LRRC37A2: variants seen among roughly 807,000 people sequenced by gnomAD.
LRRC37A2 encodes leucine rich repeat containing 37 member A2.
A neutral mutation model predicts 68.8 loss-of-function variants in LRRC37A2; 9 were observed. The ratio of observed to expected loss-of-function variants is 0.13; its 90% confidence interval spans 0.08 to 0.23. The LOEUF is 0.23. LRRC37A2 is among the 10% of genes least tolerant of loss of function. The probability of loss-of-function intolerance (pLI) is 1.00; values close to 1 mark genes in which losing one functional copy is unlikely to be tolerated. For missense variants in LRRC37A2, 168 were observed against 950.4 expected (o/e 0.18, Z 10.82); for synonymous variants, 63 against 367.6 (o/e 0.17, Z 9.48).
chr17:46,893,604 C>A, the LRRC37A2 span, among the ~76,000 whole-genome samples: 39 of 152,006 alleles, frequency 2.6e-4, no homozygotes, highest in Non-Finnish European at 5.4e-4. Context: ...TAGGGGAGGG[C>A]AGGACCCCCT....
At chr17:46,711,556 T>C in the LRRC37A2 span, among the ~76,000 whole-genome samples, 1 of 152,208 alleles carries the variant, frequency 6.6e-6, no homozygotes, top group African/African-American at 2.4e-5. Context: ...TGTGTGTGAA[T>C]ACAAGTCATT....
chr17:47,033,646 C>G, the LRRC37A2 span, among the ~76,000 whole-genome samples: 1 of 152,142 alleles, frequency 6.6e-6, no homozygotes, highest in South Asian at 2.1e-4. Context: ...TGCTCCAGTC[C>G]TTTCATCTCT....
the LRRC37A2 span, among the ~76,000 whole-genome samples, chr17:46,793,405 G>A: frequency 2.0e-5 from 3 of 151,878 alleles, no homozygotes; most frequent in East Asian, 1.9e-4. Flanking sequence ...TGCTCCGGCC[G>A]CTGTTGGGGT....
the LRRC37A2 span, among the ~76,000 whole-genome samples, chr17:46,979,702 G>T: frequency 6.6e-6 from 1 of 151,600 alleles, no homozygotes; most frequent in African/African-American, 2.4e-5. Context: ...CTGTCGCGGC[G>T]AGGCGGGCTC....
chr17:46,808,771 A>G, the LRRC37A2 span, among the ~76,000 whole-genome samples: 2 of 152,146 alleles, frequency 1.3e-5, no homozygotes, highest in African/African-American at 4.8e-5. Context: ...ATAGTACACA[A>G]ATAGGAAACG....
At chr17:46,867,358 T>C in the LRRC37A2 span, among the ~76,000 whole-genome samples, 1 of 152,266 alleles carries the variant, frequency 6.6e-6, no homozygotes, top group Non-Finnish European at 1.5e-5. Flanking sequence ...AGGTGGGATT[T>C]GAACCCAGGC....
chr17:46,833,752 G>C, the LRRC37A2 span, among the ~76,000 whole-genome samples: 2 of 152,182 alleles, frequency 1.3e-5, no homozygotes, highest in Non-Finnish European at 2.9e-5. Context: ...AGGCCTGCCC[G>C]GGGAAGAAGT....
the LRRC37A2 span, among the ~76,000 whole-genome samples, chr17:46,802,619 A>G: frequency 1.3e-5 from 2 of 152,124 alleles, no homozygotes; most frequent in Non-Finnish European, 2.9e-5. Flanking sequence ...TCCTTTGGGA[A>G]GGGGAGAGGG....
At chr17:47,022,507 G>A in the LRRC37A2 span, among the ~76,000 whole-genome samples, 1 of 151,778 alleles carries the variant, frequency 6.6e-6, no homozygotes, top group African/African-American at 2.4e-5. Context: ...TGCAATAACA[G>A]ATATAACAAA....
At chr17:47,000,065 AAAAT>A in the LRRC37A2 span, among the ~76,000 whole-genome samples, 3 of 21,248 alleles carry the variant, frequency 1.4e-4, 1 homozygote, top group African/African-American at 2.5e-4. Context: ...AAATAAAATT[AAAAT>A]AAAATAAAAA....
the LRRC37A2 span, among the ~76,000 whole-genome samples, chr17:46,475,683 C>T: frequency 1.3e-5 from 1 of 77,416 alleles, no homozygotes; most frequent in Non-Finnish European, 3.6e-5. Flanking sequence ...TGCAGGCCTT[C>T]AGGGGTCCTC....
At chr17:46,816,872 A>G in the LRRC37A2 span, among the ~76,000 whole-genome samples, 11 of 152,194 alleles carry the variant, frequency 7.2e-5, no homozygotes, top group Admixed American at 5.9e-4. Context: ...GAATGGGAAG[A>G]GGGTCAGGAA....
chr17:46,849,484 AC>A, the LRRC37A2 span, among the ~76,000 whole-genome samples: 1 of 152,048 alleles, frequency 6.6e-6, no homozygotes, highest in Non-Finnish European at 1.5e-5. Context: ...TCTGTCTGCC[AC>A]CCCAGTCCAT....
chr17:46,404,968 C>T, the LRRC37A2 span, among the ~76,000 whole-genome samples: 17 of 98,572 alleles, frequency 1.7e-4, 4 homozygotes, highest in African/African-American at 4.4e-4. Flanking sequence ...TTTGGGAGGC[C>T]GAGGCGGGCG....
chr17:47,038,104 G>A, the LRRC37A2 span, among the ~76,000 whole-genome samples: 3 of 152,050 alleles, frequency 2.0e-5, no homozygotes, highest in African/African-American at 7.2e-5. Context: ...AGGAGTTCGA[G>A]GCCAGCCAGG....
At chr17:46,996,557 T>A in the LRRC37A2 span, among the ~76,000 whole-genome samples, 1 of 152,248 alleles carries the variant, frequency 6.6e-6, no homozygotes, top group Admixed American at 6.5e-5. Flanking sequence ...TCTGACTTCC[T>A]GTGAAGGTAG....
At chr17:46,822,585 C>A in the LRRC37A2 span, among the ~76,000 whole-genome samples, 1 of 152,236 alleles carries the variant, frequency 6.6e-6, no homozygotes, top group Non-Finnish European at 1.5e-5. Flanking sequence ...CCGCTCCCTG[C>A]GGGCCCGGCA....
chr17:46,755,575 C>A, the LRRC37A2 span: 1 of 684,372 alleles, frequency 1.5e-6, no homozygotes, highest in Non-Finnish European at 2.4e-6. Flanking sequence ...ACTTCCTTGT[C>A]ACAATGCAGG....
the LRRC37A2 span, among the ~76,000 whole-genome samples, chr17:46,771,088 G>T: frequency 2.0e-5 from 3 of 152,140 alleles, no homozygotes; most frequent in Admixed American, 6.5e-5. Context: ...AGTGCTGCAA[G>T]AAGGAAGCCC....
Sources: allele counts gnomAD v4.1 joint callset (sites outside exome capture counted in the v4.1 genomes callset), GRCh38; gene constraint gnomAD v4.1.1; transcripts MANE v1.5; gene names NCBI Gene and HGNC (gene_info 2026-07-23, HGNC 2026-07-21).